TGFBRAP1: variants seen among roughly 807,000 people sequenced by gnomAD.
TGFBRAP1 encodes transforming growth factor beta receptor associated protein 1.
A neutral mutation model predicts 83.2 loss-of-function variants in TGFBRAP1; 20 were observed. That is an observed-to-expected ratio of 0.24 (90% CI 0.17 to 0.35). TGFBRAP1 has a LOEUF of 0.35. Ranked by LOEUF, TGFBRAP1 falls within the 10% of genes least tolerant of loss-of-function variation. TGFBRAP1 has a pLI of 1.00. For missense variants in TGFBRAP1, 950 were observed against 1,099.4 expected, an observed-to-expected ratio of 0.86 and a Z score of 1.92; for synonymous variants, 415 against 459.8, an observed-to-expected ratio of 0.90 and a Z score of 1.25.
chr2:105,283,102 G>T (rs1243619549), intron 5 of TGFBRAP1, among the ~76,000 whole-genome samples: 1 of 152,168 alleles, frequency 6.6e-6, no homozygotes, highest in Non-Finnish European at 1.5e-5. Context: ...ACACTGTAGG[G>T]CTAACACAAG....
chr2:105,295,760 G>C (rs140735369), intron 4 of TGFBRAP1, among the ~76,000 whole-genome samples: 1 of 143,444 alleles, frequency 7.0e-6, no homozygotes, highest in Non-Finnish European at 1.5e-5. Context: ...GCAGTGAGCC[G>C]AGATCGCGTC....
At position 105,269,207 on chromosome 2, in the gene TGFBRAP1, A is replaced by G; in HGVS notation, c.2406+65T>C. The G allele has an allele frequency of 1.4e-6, 2 of 1,469,382 alleles. No homozygotes were observed. Among genetic ancestry groups the G allele is most frequent in the Non-Finnish European group, 9.1e-7 (1 of 1,104,624 alleles). 91.0% of individuals were successfully genotyped at this position (1,469,382 alleles called of 1,614,324 possible). On this transcript the variant is annotated intron_variant, in intron 11 of 11. Coordinates refer to ENST00000393359, the MANE Select transcript of TGFBRAP1 (RefSeq NM_004257.6). This position sits in a 1 kb window ranked among gnomAD's most constrained non-coding sequence, Gnocchi z 4.1. ...AACCAACAAAGACTATTTTTCCATC[A>G]GTAAAATCTACCTTCAGTACAATGT...
rs559942637 is a variant in TGFBRAP1, at chr2:105,315,061, A to C, written c.-17-6743T>G. Among the ~76,000 whole-genome samples the C allele has an allele frequency of 9.2e-5, 14 of 152,216 alleles. No individual in the cohort carries two copies. The South Asian group carries it at 2.9e-3, about 32-fold the overall frequency. The stretch of plus-strand genomic sequence containing the variant: ...CACAAAAAAGCTATTAGAATTAATG[A>C]CTTTATAGTTTAATTTTTTTAAAAA... On this transcript the variant is annotated intron_variant, in intron 1 of 11. Coordinates refer to ENST00000393359, the MANE Select transcript of TGFBRAP1 (RefSeq NM_004257.6).
Position 105,306,065 on chromosome 2 carries a change from T to TG in TGFBRAP1, c.688+1548_688+1549insC, listed in dbSNP as rs781431114. ...TTTTCTGGTTTTTTGTTTTTTGTTT[T>TG]TTGTTTTTTTTTTTTTGAGACAGTT... On this transcript the variant is annotated intron_variant, in intron 2 of 11. Coordinates refer to ENST00000393359, the MANE Select transcript of TGFBRAP1 (RefSeq NM_004257.6). Among the ~76,000 whole-genome samples, 345 of 112,952 alleles carry TG rather than the reference T, an allele frequency of 3.1e-3. 3 individuals are homozygous for TG. Among genetic ancestry groups the TG allele is most frequent in the East Asian group, 5.8e-3 (19 of 3,266 alleles). The allele number at this position is 112,952 out of a possible 152,430, so 74.1% of individuals were successfully genotyped here. A position where few individuals can be genotyped will look rare whatever the true frequency, so the allele number is the denominator to read the frequency against.
chr2:105,321,230 G>C (rs543596492), intron 1 of TGFBRAP1, among the ~76,000 whole-genome samples: 1 of 151,760 alleles, frequency 6.6e-6, no homozygotes, highest in Non-Finnish European at 1.5e-5. Flanking sequence ...GCAGTGGCAC[G>C]GTCTCGGCTC....
At chr2:105,304,988 A>G (rs1464146821) in intron 2 of TGFBRAP1, among the ~76,000 whole-genome samples, 4 of 152,212 alleles carry the variant, frequency 2.6e-5, no homozygotes, top group Admixed American at 2.0e-4. Flanking sequence ...TGGTGAAAGG[A>G]TTATGAATGA....
intron 4 of TGFBRAP1, among the ~76,000 whole-genome samples, chr2:105,295,313 A>G (rs1678045256): frequency 1.3e-5 from 2 of 152,180 alleles, no homozygotes; most frequent in Non-Finnish European, 2.9e-5. Flanking sequence ...AAATCTGACC[A>G]ATATTAAGAA....
chr2:105,252,831 C>A, the TGFBRAP1 span, among the ~76,000 whole-genome samples: 499 of 143,250 alleles, frequency 3.5e-3, no homozygotes, highest in African/African-American at 0.011. Flanking sequence ...CGGCTCACTG[C>A]GACCTCCACC....
At chr2:105,314,241 T>A (rs1678779854) in intron 1 of TGFBRAP1, among the ~76,000 whole-genome samples, 1 of 149,906 alleles carries the variant, frequency 6.7e-6, no homozygotes, top group Non-Finnish European at 1.5e-5. Flanking sequence ...CAGCCTGTAG[T>A]ACTTTCTCTT....
At position 105,267,160 on chromosome 2, in the gene TGFBRAP1, T is replaced by C. The variant is rs1354692891; in HGVS notation, c.*223A>G. Reference sequence around the variant, plus strand: ...TGTATGTTTCTGTTTTGGGGATTTTTAGGGGTTTTCCATGTACATTCATAG... The same window carrying C: ...TGTATGTTTCTGTTTTGGGGATTTTCAGGGGTTTTCCATGTACATTCATAG... On this transcript the variant is annotated 3_prime_UTR_variant, in exon 12 of 12. Coordinates refer to ENST00000393359, the MANE Select transcript of TGFBRAP1 (RefSeq NM_004257.6). 7 of 538,582 alleles carry C rather than the reference T, an allele frequency of 1.3e-5. No homozygotes were observed. The Middle Eastern group carries it at 2.9e-3, about 226-fold the overall frequency. 33.4% of individuals were successfully genotyped at this position (538,582 alleles called of 1,614,324 possible).
At position 105,280,456 on chromosome 2, in the gene TGFBRAP1, G is replaced by A. The variant is rs767744925; in HGVS notation, c.1389C>T (p.Ser463=). The change falls in exon 6 of 12, where the codon AGC becomes AGT. Residue 463 remains serine, a synonymous_variant. Transcript: ENST00000393359. ...LKLYAEADHD[S]LLDLLVTENF... is the part of the protein sequence containing the mutation. ...TCTCAGTGACCAGGAGGTCCAGCAG[G>A]CTGTCGTGGTCAGCCTCTGCATACA... The A allele has an allele frequency of 3.1e-6, 5 of 1,614,206 alleles. No homozygotes were observed. In the South Asian group the frequency reaches 5.5e-5, roughly 18 times the overall value.
chr2:105,293,179 AT>A (rs1677972351), intron 4 of TGFBRAP1, among the ~76,000 whole-genome samples: 1 of 152,176 alleles, frequency 6.6e-6, no homozygotes, highest in African/African-American at 2.4e-5. Flanking sequence ...TTTAGATGAA[AT>A]GGAAAAAAAA....
chr2:105,264,680 C>CA lies in TGFBRAP1; in HGVS notation c.*2702_*2703insT, dbSNP rs1553456482. The CA allele has an allele frequency of 6.6e-6, 1 of 152,246 alleles. No individual in the cohort carries two copies. The highest frequency in any genetic ancestry group is 1.5e-5 in the Non-Finnish European group (1 of 68,050). The allele number at this position is 152,246 out of a possible 1,614,324, so 9.4% of individuals were successfully genotyped here. A position where few individuals can be genotyped will look rare whatever the true frequency, so the allele number is the denominator to read the frequency against. ...GAAGTGAGAAGCACATGTAAGCACG[C>CA]GTCAGTGAGAGCGTCGCAGTTGAAC... On this transcript the variant is annotated 3_prime_UTR_variant, in exon 12 of 12. Coordinates refer to ENST00000393359, the MANE Select transcript of TGFBRAP1 (RefSeq NM_004257.6).
At chr2:105,286,018 T>C (rs895634205) in intron 4 of TGFBRAP1, among the ~76,000 whole-genome samples, 1 of 152,138 alleles carries the variant, frequency 6.6e-6, no homozygotes, top group Non-Finnish European at 1.5e-5. Flanking sequence ...TCAGCTGCAG[T>C]AGAAGAATTC....
At chr2:105,294,851 C>T (rs1045205861) in intron 4 of TGFBRAP1, among the ~76,000 whole-genome samples, 2 of 152,186 alleles carry the variant, frequency 1.3e-5, no homozygotes, top group Admixed American at 1.3e-4. Flanking sequence ...AAAATGTGCA[C>T]ATGGTGTGTG....
chr2:105,328,231 C>T (rs891452672), intron 1 of TGFBRAP1, among the ~76,000 whole-genome samples: 1 of 152,188 alleles, frequency 6.6e-6, no homozygotes, highest in Middle Eastern at 3.2e-3. Context: ...TGAACCCACA[C>T]TCCACATTCA....
At chr2:105,326,901 T>G (rs1351921579) in intron 1 of TGFBRAP1, among the ~76,000 whole-genome samples, 1 of 152,194 alleles carries the variant, frequency 6.6e-6, no homozygotes, top group Non-Finnish European at 1.5e-5. Context: ...AATTCACTTT[T>G]CATGAGGCAC....
chr2:105,308,298 T>C lies in TGFBRAP1; in HGVS notation c.4A>G (p.Met2Val). 6.2e-7 allele frequency: 1 copy of C among 1,605,394 alleles called. No homozygotes were observed. Among genetic ancestry groups the C allele is most frequent in the Non-Finnish European group, 8.5e-7 (1 of 1,172,796 alleles). Residue 2 changes from methionine to valine, a missense_variant, in exon 2 of 12, where the codon ATG becomes GTG. Met to Val is a conservative substitution (Grantham distance 21, BLOSUM62 1). Transcript: ENST00000393359. ...ACAAGCGTAAAGGCTTTGATGCTCA[T>C]CATGTCTACTGGCTGATCTGCTGGA... M[M>V]SIKAFTLVSA...
downstream of TGFBRAP1, among the ~76,000 whole-genome samples, chr2:105,260,104 T>A (rs1050116972): frequency 2.6e-5 from 4 of 152,156 alleles, no homozygotes; most frequent in Admixed American, 1.3e-4. Flanking sequence ...TATTATTCAG[T>A]GTTAAAAAGG....
Sources: allele counts gnomAD v4.1 joint callset (sites outside exome capture counted in the v4.1 genomes callset), GRCh38; gene constraint gnomAD v4.1.1; non-coding constraint Gnocchi (gnomAD v3.1); transcripts MANE v1.5; gene names NCBI Gene and HGNC (gene_info 2026-07-23, HGNC 2026-07-21).